ACBD6: variants seen among roughly 807,000 people sequenced by gnomAD.
ACBD6 encodes acyl-CoA-binding domain-containing protein 6.
A neutral mutation model predicts 37.2 loss-of-function variants in ACBD6; 28 were observed. The observed-to-expected ratio is 0.75, with a 90% CI of 0.56 to 1.03. The LOEUF is 1.03. ACBD6 is among the 50% of genes least tolerant of loss of function. ACBD6 has a pLI of 0.00. For synonymous variants in ACBD6, 113 were observed against 126.8 expected (o/e 0.89, Z 0.73); for missense variants, 340 against 337.4 (o/e 1.01, Z -0.06).
intron 6 of ACBD6, among the ~76,000 whole-genome samples, chr1:180,318,163 G>C (rs79411631): frequency 5.6e-3 from 177 of 31,356 alleles, no homozygotes; most frequent in Non-Finnish European, 6.9e-3. Context: ...TTCCATCTCC[G>C]CCCCCCCCCC....
intron 3 of ACBD6, among the ~76,000 whole-genome samples, chr1:180,455,540 G>A (rs1180910181): frequency 6.6e-6 from 1 of 151,714 alleles, no homozygotes; most frequent in East Asian, 1.9e-4. Context: ...AAGAAACTAG[G>A]AAACTTATTA....
intron 3 of ACBD6, among the ~76,000 whole-genome samples, chr1:180,456,908 T>G (rs1483140171): frequency 6.6e-6 from 1 of 152,146 alleles, no homozygotes; most frequent in Non-Finnish European, 1.5e-5. Context: ...TTTAAATTTT[T>G]TGGTAGAGAA....
chr1:180,270,514 C>T (rs754594640), exon 14 of ACBD6: 12 of 152,274 alleles, frequency 7.9e-5, no homozygotes, highest in Admixed American at 7.2e-4. Flanking sequence ...ACGCGCCTCT[C>T]TCTGTACCTG....
chr1:180,493,663 A>G (rs1571581676), intron 2 of ACBD6, among the ~76,000 whole-genome samples: 1 of 152,206 alleles, frequency 6.6e-6, no homozygotes, highest in Admixed American at 6.5e-5. Flanking sequence ...GAAATTTATC[A>G]TCAATTACTA....
At chr1:180,501,137 G>A (rs533184989) in intron 1 of ACBD6, among the ~76,000 whole-genome samples, 2 of 152,230 alleles carry the variant, frequency 1.3e-5, no homozygotes, top group South Asian at 4.1e-4. Flanking sequence ...TATGACCCTA[G>A]GAAAGGTGCC....
At chr1:180,450,584 C>G (rs1649664835) in intron 3 of ACBD6, among the ~76,000 whole-genome samples, 1 of 152,102 alleles carries the variant, frequency 6.6e-6, no homozygotes, top group Non-Finnish European at 1.5e-5. Flanking sequence ...CAGTGAAACT[C>G]CGTCTCTACT....
At chr1:180,396,797 A>C (rs1654277155) in intron 6 of ACBD6, among the ~76,000 whole-genome samples, 1 of 152,214 alleles carries the variant, frequency 6.6e-6, no homozygotes, top group Non-Finnish European at 1.5e-5. Flanking sequence ...AAAAATAACA[A>C]GTATTGGTGA....
At chr1:180,270,873 CAAGCTCACCCCTGGCTGTG>C (rs150422086) in exon 14 of ACBD6, 13,254 of 221,958 alleles carry the variant, frequency 0.06, 543 homozygotes, top group Non-Finnish European at 0.077. Context: ...GTTGGGTGTG[CAAGCTCACCCCTGGCTGTG>C]AGCCCAGCGA....
At chr1:180,470,257 C>T (rs991928472) in intron 3 of ACBD6, among the ~76,000 whole-genome samples, 5 of 152,018 alleles carry the variant, frequency 3.3e-5, no homozygotes, top group Admixed American at 6.6e-5. Context: ...AACACCTAAA[C>T]ATAAAGATAA....
chr1:180,440,072 A>G (rs541730855), intron 3 of ACBD6, among the ~76,000 whole-genome samples: 6 of 152,164 alleles, frequency 3.9e-5, no homozygotes, highest in Non-Finnish European at 8.8e-5. Flanking sequence ...GTTGGCAATG[A>G]ATTACCTGCT....
chr1:180,423,938 TATC>T (rs1298876714), intron 4 of ACBD6, among the ~76,000 whole-genome samples: 1 of 152,108 alleles, frequency 6.6e-6, no homozygotes, highest in African/African-American at 2.4e-5. Context: ...CCAAAGGAAA[TATC>T]ATCATCAGTA....
At chr1:180,362,230 A>G (rs1652879946) in intron 6 of ACBD6, among the ~76,000 whole-genome samples, 1 of 152,246 alleles carries the variant, frequency 6.6e-6, no homozygotes, top group Non-Finnish European at 1.5e-5. Flanking sequence ...ATTAAGTTAT[A>G]TCAACTATTC....
chr1:180,416,927 T>C (rs1460141079), intron 4 of ACBD6, among the ~76,000 whole-genome samples: 1 of 152,184 alleles, frequency 6.6e-6, no homozygotes, highest in Non-Finnish European at 1.5e-5. Context: ...ATCTATTTAA[T>C]AGGCACATTC....
chr1:180,486,398 T>C (rs1207694250), intron 3 of ACBD6, among the ~76,000 whole-genome samples: 2 of 152,234 alleles, frequency 1.3e-5, no homozygotes, highest in Non-Finnish European at 2.9e-5. Context: ...CCTTTGGCTC[T>C]GACCCAAGAG....
intron 3 of ACBD6, among the ~76,000 whole-genome samples, chr1:180,465,675 G>A (rs1312563933): frequency 6.6e-6 from 1 of 152,066 alleles, no homozygotes. Flanking sequence ...ATACCCGGAG[G>A]AATATAAAGC....
chr1:180,450,479 C>G (rs1649657603), intron 3 of ACBD6, among the ~76,000 whole-genome samples: 1 of 152,180 alleles, frequency 6.6e-6, no homozygotes, highest in Non-Finnish European at 1.5e-5. Flanking sequence ...AAAGACTCGG[C>G]CGGGTGCAGT....
chr1:180,277,866 T>TA (rs1378042331), intron 9 of ACBD6: 1 of 67,544 alleles, frequency 1.5e-5, no homozygotes, highest in African/African-American at 3.6e-5. Context: ...GCAGTGTCCT[T>TA]AAACTTTTTT....
chr1:180,368,456 C>T (rs1210727449), intron 6 of ACBD6, among the ~76,000 whole-genome samples: 1 of 152,058 alleles, frequency 6.6e-6, no homozygotes, highest in Non-Finnish European at 1.5e-5. Flanking sequence ...TTGCCAGTTT[C>T]TATGTCCAGG....
At chr1:180,453,546 G>A (rs549897503) in intron 3 of ACBD6, among the ~76,000 whole-genome samples, 2 of 152,266 alleles carry the variant, frequency 1.3e-5, no homozygotes, top group South Asian at 4.1e-4. Context: ...GTTCTGGCCA[G>A]GGCAATCAGG....
Sources: gnomAD v4.1 joint callset for allele counts (sites outside exome capture counted in the v4.1 genomes callset) on GRCh38, gnomAD v4.1.1 for gene constraint, MANE v1.5 for transcripts, NCBI Gene and HGNC (gene_info 2026-07-23, HGNC 2026-07-21) for gene names.